The following ANKRD27 variants were observed in gnomAD, a reference collection of about 807,000 sequenced individuals.
The protein encoded by ANKRD27 is ankyrin repeat domain 27.
A neutral mutation model predicts 129.7 loss-of-function variants in ANKRD27; 112 were observed. The ratio of observed to expected loss-of-function variants is 0.86; its 90% CI spans 0.74 to 1.01. The LOEUF is 1.01. ANKRD27 is among the 50% of genes least tolerant of loss of function. The pLI is 0.00. For synonymous variants in ANKRD27, 516 were observed against 511.2 expected, an observed-to-expected ratio of 1.01 and a Z score of -0.13; for missense variants, 1,258 against 1,300.5, an observed-to-expected ratio of 0.97 and a Z score of 0.50.
chr19:32,659,632 C>T (rs1370027655), intron 1 of ANKRD27, among the ~76,000 whole-genome samples: 2 of 152,172 alleles, frequency 1.3e-5, no homozygotes, highest in Non-Finnish European at 2.9e-5. Context: ...TCAAGATACT[C>T]ATTTATTTTT....
chr19:32,630,985 TGGAACTTC>T lies in ANKRD27; in HGVS notation c.1209+409_1209+416del, dbSNP rs1966982079. Among the ~76,000 whole-genome samples, 4 of 152,048 alleles carry T rather than the reference TGGAACTTC, an allele frequency of 2.6e-5. No individual in the cohort carries two copies. The South Asian group carries it at 8.3e-4, about 32-fold the overall frequency. On this transcript the variant is annotated intron_variant, in intron 13 of 28. Coordinates refer to ENST00000306065, the MANE Select transcript of ANKRD27 (RefSeq NM_032139.3). ...CCTACTGCCCATTCTGAGCACAGAA[TGGAACTTC>T]AGGGTTTATGCAGACCACCACCCTG...
Position 32,639,065 on chromosome 19 carries a change from C to T in ANKRD27, c.1116+291G>A, listed in dbSNP as rs953022914. ...CTATCAAGGTCAAGAAATCCAAATTCCCTACTTCTGGCTTCCCTTTGCACC... is the reference window on the plus strand; with the variant it reads ...CTATCAAGGTCAAGAAATCCAAATTTCCTACTTCTGGCTTCCCTTTGCACC... On this transcript the variant is annotated intron_variant, in intron 12 of 28. Transcript: ENST00000306065. 3.3e-5 allele frequency: 15 copies of T among 451,662 alleles called. 1 individual carries two copies. Among genetic ancestry groups the T allele is most frequent in the East Asian group, 1.7e-4 (5 of 29,768 alleles). The allele number at this position is 451,662 out of a possible 1,614,324, so 28.0% of individuals were successfully genotyped here.
intron 25 of ANKRD27, among the ~76,000 whole-genome samples, chr19:32,603,974 A>G (rs1971690595): frequency 1.3e-5 from 2 of 152,060 alleles, no homozygotes; most frequent in African/African-American, 4.8e-5. Flanking sequence ...ACTCTATGTA[A>G]CTACCGGACC....
At chr19:32,623,419 AG>A (rs1399937076) in intron 17 of ANKRD27, among the ~76,000 whole-genome samples, 1 of 152,174 alleles carries the variant, frequency 6.6e-6, no homozygotes, top group Non-Finnish European at 1.5e-5. Flanking sequence ...TTACAGGACT[AG>A]CCTTCATTAA....
chr19:32,628,676 G>T, intron 14 of ANKRD27, 46 bp downstream of exon 14: 1 of 1,610,496 alleles, frequency 6.2e-7, no homozygotes, highest in Non-Finnish European at 8.5e-7. Context: ...CAGGAGGCCT[G>T]TCTCCTGCTT....
chr19:32,648,324 T>G (rs12985259), intron 3 of ANKRD27, among the ~76,000 whole-genome samples: 3,667 of 152,268 alleles, frequency 0.024, 68 homozygotes, highest in East Asian at 0.11. Context: ...TTTTTTGCTA[T>G]GAAAGATATA....
chr19:32,662,482 A>G (rs1185963988), intron 1 of ANKRD27, among the ~76,000 whole-genome samples: 3 of 152,108 alleles, frequency 2.0e-5, no homozygotes, highest in African/African-American at 7.2e-5. Context: ...CACTCCTGTA[A>G]TCCCAGCACC....
intron 17 of ANKRD27, among the ~76,000 whole-genome samples, chr19:32,625,413 T>C (rs1972073353): frequency 6.6e-6 from 1 of 150,910 alleles, no homozygotes; most frequent in Admixed American, 6.7e-5. Flanking sequence ...CAATATGGCA[T>C]CTGTAATATA....
At chr19:32,644,988 T>C (rs1967274326) in intron 4 of ANKRD27, among the ~76,000 whole-genome samples, 1 of 152,096 alleles carries the variant, frequency 6.6e-6, no homozygotes, top group African/African-American at 2.4e-5. Context: ...GCCCGACCTG[T>C]GCAACAGCAG....
chr19:32,643,651 G>GT lies in ANKRD27; in HGVS notation c.526-21_526-20insA, dbSNP rs1568412365. ...TGAGTCCTAAACCACATAGAGCAGA[G>GT]GGACAGGCCACCCTTACCAGCAAGG... On this transcript the variant is annotated intron_variant, in intron 5 of 28. Coordinates refer to ENST00000306065, the MANE Select transcript of ANKRD27 (RefSeq NM_032139.3). 6.2e-7 allele frequency: 1 copy of GT among 1,613,606 alleles called. No homozygotes were observed. Among genetic ancestry groups the GT allele is most frequent in the South Asian group, 1.1e-5 (1 of 91,042 alleles).
Position 32,639,464 on chromosome 19 carries a change from T to A in ANKRD27, c.1008A>T (p.Lys336Asn), listed in dbSNP as rs374933382. The A allele has an allele frequency of 1.2e-6, 2 of 1,613,356 alleles. No homozygotes were observed. The highest frequency in any genetic ancestry group is 1.3e-5 in the African/African-American group (1 of 74,914). The change falls in exon 12 of 29, where the codon AAA becomes AAT. Residue 336 changes from lysine to asparagine, a missense_variant. Lys to Asn is a moderately conservative substitution (Grantham distance 94). Transcript: ENST00000306065. ...PNWMANLSYIKNFRFSSLAKD... is the reference protein window; with the variant it reads ...PNWMANLSYINNFRFSSLAKD... Reference sequence around the variant, plus strand: ...TTGCCAAGCTGCTAAACCTGAAGTTTTTGATGTAACTCAAATTTGCCATCC... The same window carrying A: ...TTGCCAAGCTGCTAAACCTGAAGTTATTGATGTAACTCAAATTTGCCATCC...
intron 1 of ANKRD27, among the ~76,000 whole-genome samples, 170 bp downstream of exon 1, chr19:32,674,901 C>T (rs916613906): frequency 6.6e-6 from 1 of 151,866 alleles, no homozygotes; most frequent in Non-Finnish European, 1.5e-5. Flanking sequence ...CACCTGGGGA[C>T]GCGGGGGCTG....
At chr19:32,649,943 G>C in intron 2 of ANKRD27, 151 bp from the exon 3 acceptor site, 1 of 650,868 alleles carries the variant, frequency 1.5e-6, no homozygotes, top group East Asian at 2.6e-5. Flanking sequence ...CGGCCACAGT[G>C]GCTGCCAGCT....
chr19:32,653,892 G>GT (rs1220286922), intron 2 of ANKRD27, among the ~76,000 whole-genome samples: 11 of 151,848 alleles, frequency 7.2e-5, no homozygotes, highest in East Asian at 1.9e-4. Flanking sequence ...GAGACACATG[G>GT]TTTTTTTTGT....
chr19:32,606,939 C>CAAAAAAAAAAAAAAAAAAAAA (rs532062312), intron 23 of ANKRD27, among the ~76,000 whole-genome samples: 6 of 65,650 alleles, frequency 9.1e-5, no homozygotes, highest in African/African-American at 3.1e-4. Flanking sequence ...CCCATCTCCA[C>CAAAAAAAAAAAAAAAAAAAAA]AAAAAAAAAA....
intron 1 of ANKRD27, among the ~76,000 whole-genome samples, chr19:32,661,644 G>C (rs1450219028): frequency 1.3e-5 from 2 of 152,078 alleles, no homozygotes; most frequent in African/African-American, 4.8e-5. Flanking sequence ...TGCCTGGCCA[G>C]AAGTTTTGAT....
At chr19:32,643,265 G>A in intron 8 of ANKRD27, 22 bp downstream of exon 8, 2 of 1,614,002 alleles carry the variant, frequency 1.2e-6, no homozygotes, top group South Asian at 2.2e-5. Flanking sequence ...TCCATCTTGG[G>A]TGATAATAAC....
At position 32,615,013 on chromosome 19, in the gene ANKRD27, C is replaced by G. The variant is rs148687332; in HGVS notation, c.2175+645G>C. 2.2e-3 allele frequency among the ~76,000 whole-genome samples: 336 copies of G among 152,302 alleles called. 3 individuals carry two copies. Among genetic ancestry groups the G allele is most frequent in the Admixed American group, 5.1e-3 (78 of 15,294 alleles). ...AGTGAACTCAACTGAGTAAAAGCAA[C>G]AGCAGAACATGCGTGCAGCTTCCCT... is the stretch of plus-strand genomic sequence containing the variant. On this transcript the variant is annotated intron_variant, in intron 22 of 28. Coordinates refer to ENST00000306065, the MANE Select transcript of ANKRD27 (RefSeq NM_032139.3).
At chr19:32,674,767 C>G (rs968226920) in intron 1 of ANKRD27, among the ~76,000 whole-genome samples, 1 of 152,090 alleles carries the variant, frequency 6.6e-6, no homozygotes, top group East Asian at 1.9e-4. Context: ...ACCCGGCACC[C>G]CGGCCACACC....
Sources: allele counts gnomAD v4.1 joint callset (sites outside exome capture counted in the v4.1 genomes callset), GRCh38; gene constraint gnomAD v4.1.1; transcripts MANE v1.5; gene names NCBI Gene and HGNC (gene_info 2026-07-23, HGNC 2026-07-21).